The following PLBD1 variants were observed in gnomAD, a reference collection of about 807,000 sequenced individuals.
The protein encoded by PLBD1 is lysosomal leucine aminopeptidase.
PLBD1 carries 60 observed loss-of-function variants against 63.0 expected under a neutral mutation model. The ratio of observed to expected loss-of-function variants is 0.95; its 90% CI spans 0.77 to 1.18. PLBD1 has a LOEUF of 1.18. PLBD1 is among the 50% of genes most tolerant of loss of function. The pLI, the probability that PLBD1 is intolerant of heterozygous loss-of-function variation, is 0.00. For synonymous variants in PLBD1, 262 were observed against 248.0 expected (o/e 1.06, Z -0.53); for missense variants, 598 against 677.9 (o/e 0.88, Z 1.31).
chr12:14,519,041 T>C (rs924079066), intron 6 of PLBD1, among the ~76,000 whole-genome samples: 1 of 152,102 alleles, frequency 6.6e-6, no homozygotes, highest in Non-Finnish European at 1.5e-5. Flanking sequence ...TGTATAAAAT[T>C]ATTTAAAGCA....
At chr12:14,562,801 C>T (rs1210145838) in intron 1 of PLBD1, among the ~76,000 whole-genome samples, 2 of 152,066 alleles carry the variant, frequency 1.3e-5, no homozygotes, top group Admixed American at 6.5e-5. Context: ...ATGAAGGGTA[C>T]CACTACCTCT....
At chr12:14,514,260 G>A (rs1287047163) in intron 6 of PLBD1, among the ~76,000 whole-genome samples, 1 of 152,220 alleles carries the variant, frequency 6.6e-6, no homozygotes, top group Non-Finnish European at 1.5e-5. Context: ...TTGACAGAGT[G>A]TAAAATGGAT....
chr12:14,552,181 G>C (rs1297171689), intron 2 of PLBD1, among the ~76,000 whole-genome samples: 2 of 152,090 alleles, frequency 1.3e-5, no homozygotes, highest in East Asian at 1.9e-4. Context: ...CAACAATCTA[G>C]GTCACAGAGA....
At chr12:14,548,722 C>T (rs1264332302) in intron 2 of PLBD1, among the ~76,000 whole-genome samples, 8 of 152,144 alleles carry the variant, frequency 5.3e-5, no homozygotes, top group Non-Finnish European at 8.8e-5. Flanking sequence ...AAAGGAGTTG[C>T]CTTTGAAGAA....
At chr12:14,523,073 G>C (rs1040289802) in intron 6 of PLBD1, among the ~76,000 whole-genome samples, 1 of 152,034 alleles carries the variant, frequency 6.6e-6, no homozygotes, top group East Asian at 1.9e-4. Context: ...AACTGTCCCT[G>C]CTTCCAAATG....
intron 1 of PLBD1, among the ~76,000 whole-genome samples, chr12:14,555,217 T>C (rs1423842575): frequency 1.3e-5 from 2 of 152,196 alleles, no homozygotes; most frequent in Admixed American, 6.5e-5. Flanking sequence ...GCTTGCCGGC[T>C]AAGAATGTTC....
At chr12:14,549,016 A>G (rs561511341) in intron 2 of PLBD1, among the ~76,000 whole-genome samples, 2 of 152,336 alleles carry the variant, frequency 1.3e-5, no homozygotes, top group East Asian at 1.9e-4. Flanking sequence ...ATCATTCATG[A>G]GACATCAAAG....
intron 5 of PLBD1, 54 bp from the exon 6 acceptor site, chr12:14,535,857 A>G (rs1945509826): frequency 6.4e-7 from 1 of 1,568,824 alleles, no homozygotes; most frequent in Admixed American, 1.8e-5. Context: ...ACTGACTGCA[A>G]TTGTCTTAAG....
intron 1 of PLBD1, among the ~76,000 whole-genome samples, chr12:14,566,433 C>T (rs539678373): frequency 1.6e-3 from 243 of 152,224 alleles, no homozygotes; most frequent in Non-Finnish European, 2.8e-3. Context: ...TACTCTTGTA[C>T]AAGGTCAGCA....
Position 14,523,968 on chromosome 12 carries a change from A to G in PLBD1, c.844+11691T>C, listed in dbSNP as rs143500879. Among the ~76,000 whole-genome samples, 46 of 152,328 alleles carry G rather than the reference A, an allele frequency of 3.0e-4. No individual in the cohort carries two copies. The East Asian group carries it at 8.7e-3, about 29-fold the overall frequency. ...ATACATATACATATAATGGAATACT[A>G]TTCAGCCATAAAAAGGATCAAATTA... On this transcript the variant is annotated intron_variant, in intron 6 of 10. Transcript: ENST00000240617.
At chr12:14,535,844 C>T (rs374679650) in intron 5 of PLBD1, 41 bp from the exon 6 acceptor site, 2 of 1,587,516 alleles carry the variant, frequency 1.3e-6, no homozygotes, top group South Asian at 1.1e-5. Flanking sequence ...ATGTACATAG[C>T]TAACTGACTG....
At chr12:14,537,986 T>C (rs1945533118) in intron 4 of PLBD1, among the ~76,000 whole-genome samples, 1 of 152,094 alleles carries the variant, frequency 6.6e-6, no homozygotes. Flanking sequence ...ATTTTTTTAT[T>C]TTTCCCTACT....
chr12:14,565,358 C>T (rs554525602), intron 1 of PLBD1, among the ~76,000 whole-genome samples: 2 of 151,338 alleles, frequency 1.3e-5, no homozygotes, highest in Admixed American at 6.6e-5. Context: ...CCCAGCTACT[C>T]GGGAGGCTGA....
At chr12:14,536,824 C>T (rs558494579) in intron 4 of PLBD1, 114 bp from the exon 5 acceptor site, 197 of 1,372,044 alleles carry the variant, frequency 1.4e-4, no homozygotes, top group Admixed American at 3.3e-4. Flanking sequence ...CATGGTGGCT[C>T]ACGCCTGTAA....
chr12:14,509,440 C>G (rs767233643), intron 8 of PLBD1, among the ~76,000 whole-genome samples: 4 of 152,184 alleles, frequency 2.6e-5, no homozygotes, highest in Non-Finnish European at 5.9e-5. Context: ...TTGAATTGCT[C>G]TATGCTAAAC....
intron 3 of PLBD1, among the ~76,000 whole-genome samples, chr12:14,541,109 A>G (rs983885321): frequency 6.6e-6 from 1 of 152,166 alleles, no homozygotes; most frequent in Admixed American, 6.5e-5. Flanking sequence ...TTCTTCTTTC[A>G]CAGCTTCTTC....
chr12:14,528,664 TAAG>T (rs1236746608), intron 6 of PLBD1, among the ~76,000 whole-genome samples: 3 of 151,952 alleles, frequency 2.0e-5, no homozygotes, highest in African/African-American at 4.8e-5. Context: ...TCTTCTACAT[TAAG>T]AAGCTAGAAA....
chr12:14,544,279 T>C (rs781325258), intron 2 of PLBD1, among the ~76,000 whole-genome samples: 2 of 152,204 alleles, frequency 1.3e-5, no homozygotes, highest in Non-Finnish European at 2.9e-5. Context: ...GTTCAAGGAA[T>C]TCTCCTGCCT....
At chr12:14,519,736 T>G (rs1438925318) in intron 6 of PLBD1, among the ~76,000 whole-genome samples, 1 of 152,034 alleles carries the variant, frequency 6.6e-6, no homozygotes, top group Non-Finnish European at 1.5e-5. Flanking sequence ...AAACCAAACC[T>G]GTCAATATCT....
Sources: allele counts gnomAD v4.1 joint callset (sites outside exome capture counted in the v4.1 genomes callset), GRCh38; gene constraint gnomAD v4.1.1; transcripts MANE v1.5; gene names NCBI Gene and HGNC (gene_info 2026-07-23, HGNC 2026-07-21).